Variants in MTMR2 observed in about 807,000 individuals in gnomAD.
MTMR2 encodes the protein phosphatidylinositol-3,5-bisphosphate 3-phosphatase MTMR2.
A neutral mutation model predicts 86.9 loss-of-function variants in MTMR2; 55 were observed. That is an observed-to-expected ratio of 0.63 (90% confidence interval 0.51 to 0.79). The LOEUF (loss-of-function observed/expected upper bound fraction) is 0.79, where lower values mean the gene tolerates loss of function less well. Among genes scored for constraint, MTMR2 ranks in the 30% least tolerant of loss-of-function variants. The pLI is 0.00. For missense variants in MTMR2, 659 were observed against 772.3 expected (o/e 0.85, Z 1.74); for synonymous variants, 241 against 266.8 (o/e 0.90, Z 0.94).
In MTMR2 at chr11:95,846,213, C is replaced by G. The variant is rs554208073; in HGVS notation, c.1180-1054G>C. On this transcript the variant is annotated intron_variant, in intron 10 of 14. Transcript: ENST00000346299. ...TATACGAAGTTAAGAATCACTAACC[C>G]AAAGGCTTAGTTAAGATTGATCAGG... Among the ~76,000 whole-genome samples, 358 of 152,242 alleles carry G rather than the reference C, an allele frequency of 2.4e-3. 4 individuals carry two copies. Among genetic ancestry groups the G allele is most frequent in the Admixed American group, 4.8e-3 (74 of 15,286 alleles).
At chr11:95,923,155 T>C (rs1400628494) in intron 1 of MTMR2, among the ~76,000 whole-genome samples, 1 of 152,152 alleles carries the variant, frequency 6.6e-6, no homozygotes, top group African/African-American at 2.4e-5. Context: ...CAGGATAAAA[T>C]TCCCATCTGT....
At chr11:95,840,290 T>A (rs1235146020) in intron 12 of MTMR2, among the ~76,000 whole-genome samples, 1 of 152,170 alleles carries the variant, frequency 6.6e-6, no homozygotes, top group Non-Finnish European at 1.5e-5. Flanking sequence ...TTCCTACTCC[T>A]TTGATGGCGA....
At chr11:95,908,260 T>C (rs1446601597) in intron 1 of MTMR2, among the ~76,000 whole-genome samples, 1 of 151,854 alleles carries the variant, frequency 6.6e-6, no homozygotes, top group Admixed American at 6.6e-5. Context: ...ATAAAAAAAA[T>C]ACCTAGGAAT....
At chr11:95,904,032 T>G (rs1344784447) in intron 1 of MTMR2, among the ~76,000 whole-genome samples, 1 of 152,084 alleles carries the variant, frequency 6.6e-6, no homozygotes, top group African/African-American at 2.4e-5. Flanking sequence ...GGAGAATCAC[T>G]TGAACCCGGG....
intron 2 of MTMR2, among the ~76,000 whole-genome samples, chr11:95,868,303 A>AAAAAAAAAAAAAAAAAAAAAAAAAAG (rs1565362661): frequency 2.9e-5 from 2 of 68,436 alleles, no homozygotes; most frequent in Non-Finnish European, 4.4e-5. Context: ...AAAAAAAAAG[A>AAAAAAAAAAAAAAAAAAAAAAAAAAG]AAGAAAAAGA....
At chr11:95,916,664 A>G (rs1262891118) in intron 1 of MTMR2, among the ~76,000 whole-genome samples, 1 of 152,104 alleles carries the variant, frequency 6.6e-6, no homozygotes, top group Non-Finnish European at 1.5e-5. Flanking sequence ...TAAAAAAAAA[A>G]AAGAATTTTC....
At chr11:95,890,633 A>G (rs1865683391) in intron 1 of MTMR2, among the ~76,000 whole-genome samples, 1 of 152,258 alleles carries the variant, frequency 6.6e-6, no homozygotes, top group African/African-American at 2.4e-5. Context: ...GCCATCTTAT[A>G]AACATTAGCA....
At chr11:95,835,885 C>G (rs928477380) in intron 14 of MTMR2, among the ~76,000 whole-genome samples, 1 of 151,838 alleles carries the variant, frequency 6.6e-6, no homozygotes, top group East Asian at 1.9e-4. Context: ...AAAACAAGAC[C>G]CCCTAGAGGT....
chr11:95,895,403 T>TA (rs1197570767), intron 1 of MTMR2, among the ~76,000 whole-genome samples: 12 of 151,870 alleles, frequency 7.9e-5, no homozygotes, highest in Non-Finnish European at 8.8e-5. Flanking sequence ...AAAGTAAAAA[T>TA]AAAGGGCTTG....
chr11:95,874,939 C>G (rs1017367520), intron 2 of MTMR2, among the ~76,000 whole-genome samples: 6 of 152,112 alleles, frequency 3.9e-5, no homozygotes, highest in Admixed American at 6.5e-5. Context: ...TCTCTTCTGG[C>G]TTGTAGAGTT....
intron 1 of MTMR2, among the ~76,000 whole-genome samples, chr11:95,892,743 G>A (rs1423903749): frequency 2.0e-5 from 3 of 152,018 alleles, no homozygotes; most frequent in African/African-American, 4.8e-5. Flanking sequence ...ACTTTTCTCT[G>A]TCCAAGCCTT....
Position 95,838,117 on chromosome 11 carries a change from T to C in MTMR2, c.1570A>G (p.Ser524Gly). 4 of 1,604,586 alleles carry C rather than the reference T, an allele frequency of 2.5e-6. No individual in the cohort carries two copies. Among genetic ancestry groups the C allele is most frequent in the Non-Finnish European group, 3.4e-6 (4 of 1,171,658 alleles). The change falls in exon 13 of 15, where the codon AGT becomes GGT. Residue 524 changes from serine (S) to glycine (G), a missense_variant. Physicochemically the swap from Ser to Gly is moderately conservative, Grantham distance 56 (BLOSUM62 0). Transcript: ENST00000346299. ...SCLFGTFLCN[S>G]EQQRGKENLP... ...ACCTCTTTTCCTCTCTGTTGTTCACTATTACAGAGGAATGTTCCGAATAAG... is the reference window on the plus strand; with the variant it reads ...ACCTCTTTTCCTCTCTGTTGTTCACCATTACAGAGGAATGTTCCGAATAAG...
At chr11:95,911,817 TTGGACAAGTA>T (rs1217965742) in intron 1 of MTMR2, among the ~76,000 whole-genome samples, 1 of 152,126 alleles carries the variant, frequency 6.6e-6, no homozygotes, top group African/African-American at 2.4e-5. Flanking sequence ...AAACACTTAC[TTGGACAAGTA>T]TAGAAAACAG....
intron 2 of MTMR2, among the ~76,000 whole-genome samples, chr11:95,881,110 G>T (rs987155684): frequency 6.6e-6 from 1 of 151,366 alleles, no homozygotes; most frequent in African/African-American, 2.4e-5. Flanking sequence ...GTTGGTGTGT[G>T]TGAGTTAGAA....
intron 1 of MTMR2, among the ~76,000 whole-genome samples, chr11:95,892,818 C>T (rs962831098): frequency 2.6e-5 from 4 of 152,124 alleles, no homozygotes; most frequent in Non-Finnish European, 4.4e-5. Context: ...GAATAAACTC[C>T]CCTACATCTT....
chr11:95,874,980 G>C (rs1434553272), intron 2 of MTMR2, among the ~76,000 whole-genome samples: 1 of 152,020 alleles, frequency 6.6e-6, no homozygotes, highest in Non-Finnish European at 1.5e-5. Flanking sequence ...TAGTCTGATG[G>C]GCTTCCCTTT....
rs143256055 is a variant in MTMR2, at chr11:95,857,475, G to A, written c.654+77C>T. 0.023 allele frequency: 23,237 copies of A among 1,006,108 alleles called. 401 individuals carry two copies. The highest frequency in any genetic ancestry group is 0.064 in the South Asian group (4,836 of 75,842). The allele number at this position is 1,006,108 out of a possible 1,614,324, so 62.3% of individuals were successfully genotyped here. On this transcript the variant is annotated intron_variant, in intron 7 of 14. Coordinates refer to ENST00000346299, the MANE Select transcript of MTMR2 (RefSeq NM_016156.6). ...TGTGGTATGAGATATGCTGGTTTTC[G>A]TACATGGTTCCACCCAGTTTTCTTT...
intron 2 of MTMR2, among the ~76,000 whole-genome samples, chr11:95,873,128 C>T (rs1864960448): frequency 6.6e-6 from 1 of 152,222 alleles, no homozygotes; most frequent in African/African-American, 2.4e-5. Context: ...ATGCTGGCCT[C>T]ATCAAATGAG....
intron 1 of MTMR2, among the ~76,000 whole-genome samples, chr11:95,892,728 C>T (rs907435514): frequency 1.3e-5 from 2 of 152,106 alleles, no homozygotes; most frequent in African/African-American, 4.8e-5. Flanking sequence ...GTGTTTCCTA[C>T]ACCCACTTTT....
Sources: gnomAD v4.1 joint callset for allele counts (sites outside exome capture counted in the v4.1 genomes callset) on GRCh38, gnomAD v4.1.1 for gene constraint, MANE v1.5 for transcripts, NCBI Gene and HGNC (gene_info 2026-07-23, HGNC 2026-07-21) for gene names.